The following EIF3A variants were observed in gnomAD, a reference collection of about 807,000 sequenced individuals.
EIF3A encodes the protein eukaryotic translation initiation factor 3 subunit A.
A neutral mutation model predicts 186.6 loss-of-function variants in EIF3A; 21 were observed. That is an observed-to-expected ratio of 0.11 (90% CI 0.08 to 0.16). EIF3A has a LOEUF of 0.16. Ranked by LOEUF, EIF3A falls within the 10% of genes least tolerant of loss-of-function variation. The probability of loss-of-function intolerance (pLI) is 1.00; values close to 1 mark genes in which losing one functional copy is unlikely to be tolerated. For missense variants in EIF3A, 1,306 were observed against 1,796.3 expected, an observed-to-expected ratio of 0.73 and a Z score of 4.93; for synonymous variants, 563 against 584.3, an observed-to-expected ratio of 0.96 and a Z score of 0.52.
At chr10:119,060,647 G>A (rs1197338558) in intron 9 of EIF3A, 99 bp downstream of exon 9, 7 of 748,004 alleles carry the variant, frequency 9.4e-6, no homozygotes, top group African/African-American at 3.7e-5. Context: ...CAGAACTTGG[G>A]GAGGTTCTCA....
chr10:119,044,684 T>TA (rs1848258510), intron 17 of EIF3A, among the ~76,000 whole-genome samples: 2 of 151,992 alleles, frequency 1.3e-5, no homozygotes, highest in South Asian at 4.1e-4. Context: ...CTGTCTCTAC[T>TA]AAAAATACAA....
intron 9 of EIF3A, 154 bp from the exon 10 acceptor site, chr10:119,059,872 G>A (rs945675185): frequency 2.7e-5 from 18 of 670,258 alleles, no homozygotes; most frequent in South Asian, 6.7e-5. Context: ...CCAGACCATC[G>A]ACTCTAAACT....
intron 5 of EIF3A, 135 bp downstream of exon 5, chr10:119,070,745 TTCCCAG>T: frequency 3.1e-6 from 2 of 640,080 alleles, no homozygotes; most frequent in East Asian, 5.5e-5. Context: ...TTCAGAACTT[TTCCCAG>T]TCCATTAGGC....
At chr10:119,062,742 CCTTTTT>C (rs1182920020) in intron 7 of EIF3A, among the ~76,000 whole-genome samples, 1 of 85,898 alleles carries the variant, frequency 1.2e-5, no homozygotes, top group Non-Finnish European at 2.6e-5. Context: ...TAAGAGATCA[CCTTTTT>C]TTTTTTTTTT....
At chr10:119,080,275 A>C (rs982216275) in intron 1 of EIF3A, 1 of 980,332 alleles carries the variant, frequency 1.0e-6, no homozygotes, top group Non-Finnish European at 1.2e-6. Context: ...GGCCCTAAGC[A>C]GACCAAAGCC....
At chr10:119,045,439 T>C (rs1848270299) in intron 17 of EIF3A, among the ~76,000 whole-genome samples, 1 of 151,918 alleles carries the variant, frequency 6.6e-6, no homozygotes, top group Admixed American at 6.6e-5. Context: ...TGAGAGAAAA[T>C]AGAAACATAA....
chr10:119,068,836 G>A (rs1255880759), intron 6 of EIF3A, among the ~76,000 whole-genome samples: 7 of 151,696 alleles, frequency 4.6e-5, no homozygotes, highest in African/African-American at 1.7e-4. Flanking sequence ...AGCCGGGCAT[G>A]GTGGTGGGTG....
At chr10:119,049,717 C>G (rs974125364) in intron 17 of EIF3A, 84 bp downstream of exon 17, 1 of 1,266,906 alleles carries the variant, frequency 7.9e-7, no homozygotes, top group Non-Finnish European at 1.1e-6. Flanking sequence ...CCTGGGCAAC[C>G]TGGGCGACAG....
chr10:119,065,331 A>T, intron 7 of EIF3A, 68 bp downstream of exon 7: 1 of 1,131,688 alleles, frequency 8.8e-7, no homozygotes, highest in Middle Eastern at 2.0e-4. Context: ...GTATTTAATC[A>T]TGAGTTATTA....
At chr10:119,067,581 A>C (rs979452377) in intron 6 of EIF3A, among the ~76,000 whole-genome samples, 6 of 152,224 alleles carry the variant, frequency 3.9e-5, no homozygotes, top group African/African-American at 1.4e-4. Context: ...GCAAGGAAGC[A>C]AGACCCTATG....
At position 119,071,777 on chromosome 10, in the gene EIF3A, G is replaced by A. The variant is rs188629238; in HGVS notation, c.542-692C>T. On this transcript the variant is annotated intron_variant, in intron 4 of 21. Coordinates refer to ENST00000369144, the MANE Select transcript of EIF3A (RefSeq NM_003750.4). ...GCGATGGCTCACGCCTGTAATCCCA[G>A]CACTTTGGGAGGCCGAGGTGGGTGG... Among the ~76,000 whole-genome samples the A allele has an allele frequency of 7.8e-3, 1,184 of 152,252 alleles. 20 individuals are homozygous for A. The highest frequency in any genetic ancestry group is 0.027 in the African/African-American group (1,141 of 41,552).
Position 119,069,524 on chromosome 10 carries a change from A to G in EIF3A, c.872T>C (p.Phe291Ser). The change falls in exon 6 of 22, where the codon TTT becomes TCT. Residue 291 changes from phenylalanine (F) to serine (S), a missense_variant. By Grantham distance (155) the Phe-to-Ser change is radical. Coordinates refer to ENST00000369144, the MANE Select transcript of EIF3A (RefSeq NM_003750.4). ...TVFWKSGNAL[F>S]HASTLHRLYH... ...AAGACGATGGAGTGTAGATGCATGAAAAAGAGCATTTCCAGATTTCCAAAA... is the reference window on the plus strand; with the variant it reads ...AAGACGATGGAGTGTAGATGCATGAGAAAGAGCATTTCCAGATTTCCAAAA... 6.3e-7 allele frequency: 1 copy of G among 1,595,766 alleles called. No individual in the cohort carries two copies. Among genetic ancestry groups the G allele is most frequent in the Middle Eastern group, 1.7e-4 (1 of 6,028 alleles).
intron 17 of EIF3A, among the ~76,000 whole-genome samples, chr10:119,048,315 A>G (rs1372782494): frequency 6.6e-6 from 1 of 152,164 alleles, no homozygotes; most frequent in Non-Finnish European, 1.5e-5. Context: ...TGCAAGCAAG[A>G]AAAATCTGAA....
At chr10:119,057,683 G>C (rs1589690722) in intron 12 of EIF3A, among the ~76,000 whole-genome samples, 1 of 152,160 alleles carries the variant, frequency 6.6e-6, no homozygotes, top group East Asian at 1.9e-4. Context: ...GCTGAGGCAG[G>C]AGAATCACTT....
At position 119,049,994 on chromosome 10, in the gene EIF3A, T is replaced by C. The variant is rs1336311100; in HGVS notation, c.2474-9A>G. On this transcript the variant is annotated splice_polypyrimidine_tract_variant and intron_variant, in intron 16 of 21. Transcript: ENST00000369144. ...CTCTCTCTCTTCCCGCTCTAGACCA[T>C]TGATTAGGTTACTAAGTGTGCCTCC... 6.2e-6 allele frequency: 10 copies of C among 1,612,952 alleles called. No homozygotes were observed. The highest frequency in any genetic ancestry group is 5.9e-6 in the Non-Finnish European group (7 of 1,179,454).
chr10:119,076,201 T>C (rs929892102), intron 1 of EIF3A, among the ~76,000 whole-genome samples: 2 of 151,110 alleles, frequency 1.3e-5, no homozygotes, highest in African/African-American at 4.9e-5. Flanking sequence ...GCCATGGTGA[T>C]GCACGCCCGT....
chr10:119,080,740 A>G lies in EIF3A; in HGVS notation c.-64T>C. The G allele has an allele frequency of 1.9e-6, 3 of 1,543,032 alleles. No homozygotes were observed. Among genetic ancestry groups the G allele is most frequent in the South Asian group, 1.2e-5 (1 of 83,020 alleles). The stretch of plus-strand genomic sequence containing the variant: ...CTCTAGTGGCCCGGGCCGGGAGAGG[A>G]GACGAAGGGGAACCAGCGTAAGGTC... On this transcript the variant is annotated 5_prime_UTR_variant, in exon 1 of 22. Coordinates refer to ENST00000369144, the MANE Select transcript of EIF3A (RefSeq NM_003750.4).
chr10:119,068,103 C>T (rs779377910), intron 6 of EIF3A, among the ~76,000 whole-genome samples: 3 of 152,028 alleles, frequency 2.0e-5, no homozygotes, highest in Admixed American at 6.6e-5. Flanking sequence ...TGAGTCACTG[C>T]GCCAGGCCAG....
intron 19 of EIF3A, among the ~76,000 whole-genome samples, chr10:119,040,289 G>T (rs1199036653): frequency 6.6e-6 from 1 of 152,192 alleles, no homozygotes; most frequent in Non-Finnish European, 1.5e-5. Flanking sequence ...GAATGGAGAG[G>T]AGGGTGGATT....
Sources: gnomAD v4.1 joint callset for allele counts (sites outside exome capture counted in the v4.1 genomes callset) on GRCh38, gnomAD v4.1.1 for gene constraint, MANE v1.5 for transcripts, NCBI Gene and HGNC (gene_info 2026-07-23, HGNC 2026-07-21) for gene names.